NOL10: variants seen among roughly 807,000 people sequenced by gnomAD.
NOL10 encodes H_NH0074G24.1.
A neutral mutation model predicts 103.5 loss-of-function variants in NOL10; 58 were observed. That is an observed-to-expected ratio of 0.56 (90% CI 0.45 to 0.70). The LOEUF (loss-of-function observed/expected upper bound fraction) is 0.70. Ranked by LOEUF, NOL10 falls within the 30% of genes least tolerant of loss-of-function variation. The pLI is 0.00. For missense variants in NOL10, 763 were observed against 807.3 expected, an observed-to-expected ratio of 0.95 and a Z score of 0.67; for synonymous variants, 287 against 282.5, an observed-to-expected ratio of 1.02 and a Z score of -0.16.
chr2:10,587,009 T>C (rs1376836869), intron 19 of NOL10, among the ~76,000 whole-genome samples: 1 of 122,026 alleles, frequency 8.2e-6, no homozygotes, highest in African/African-American at 3.0e-5. Context: ...GGTCTAGACT[T>C]TCTAGTGAAA....
intron 7 of NOL10, among the ~76,000 whole-genome samples, chr2:10,668,433 GA>G (rs1218145403): frequency 6.6e-6 from 1 of 152,060 alleles, no homozygotes; most frequent in Non-Finnish European, 1.5e-5. Context: ...ATTTTTAACT[GA>G]CTTAAAGTTG....
intron 16 of NOL10, 67 bp downstream of exon 16, chr2:10,602,709 G>T: frequency 1.0e-6 from 1 of 967,754 alleles, no homozygotes; most frequent in Non-Finnish European, 1.6e-6. Flanking sequence ...GATTTCTTTG[G>T]AATAATACAC....
At chr2:10,603,528 G>C (rs3815521) in intron 14 of NOL10, among the ~76,000 whole-genome samples, 90,006 of 152,052 alleles carry the variant, frequency 0.59, 27,657 homozygotes, top group African/African-American at 0.74. Flanking sequence ...AGAAGGGAGA[G>C]AGGAGAAACA....
chr2:10,622,100 C>T, intron 13 of NOL10: 2 of 471,384 alleles, frequency 4.2e-6, no homozygotes, highest in South Asian at 1.5e-5. Flanking sequence ...ATCACAGAAA[C>T]GCTGGTGGCA....
chr2:10,589,879 A>C, intron 17 of NOL10, 128 bp from the exon 18 acceptor site: 1 of 531,430 alleles, frequency 1.9e-6, no homozygotes, highest in Non-Finnish European at 3.0e-6. Flanking sequence ...TTATTAACTC[A>C]TTATGAAATT....
intron 13 of NOL10, among the ~76,000 whole-genome samples, chr2:10,623,445 G>A (rs557708883): frequency 5.3e-5 from 8 of 152,164 alleles, no homozygotes; most frequent in Non-Finnish European, 1.5e-5. Context: ...ATTCCTGAAC[G>A]TCCTTCGAAA....
rs568393547 is a variant in NOL10 at position 10,614,380 on chromosome 2, T to C, written c.1027-7069A>G. ...AGGCTGGAGTGCAGTGGTATGACCA[T>C]AGCTCACTGCAGTGAGGCCCTGGTT... On this transcript the variant is annotated intron_variant, in intron 13 of 20. Coordinates refer to ENST00000381685, the MANE Select transcript of NOL10 (RefSeq NM_024894.4). Among the ~76,000 whole-genome samples, 21 of 152,278 alleles carry C rather than the reference T, an allele frequency of 1.4e-4. No individual in the cohort carries two copies. The South Asian group carries it at 4.4e-3, about 32-fold the overall frequency.
chr2:10,659,349 G>A lies in NOL10; in HGVS notation c.678-99C>T, dbSNP rs527974916. The A allele has an allele frequency of 1.9e-5, 9 of 476,660 alleles. 1 individual carries two copies. Among genetic ancestry groups the A allele is most frequent in the East Asian group, 9.9e-5 (2 of 20,200 alleles). 29.5% of individuals were successfully genotyped at this position (476,660 alleles called of 1,614,324 possible). A position where few individuals can be genotyped will look rare whatever the true frequency, so the allele number is the denominator to read the frequency against. On this transcript the variant is annotated intron_variant, in intron 9 of 20. Transcript: ENST00000381685. Reference sequence around the variant, plus strand: ...CTTCACTTCAAATCTAATGGGGGGGGGGGGGAGGAATCACATTTCTAGGCT... The same window carrying A: ...CTTCACTTCAAATCTAATGGGGGGGAGGGGGAGGAATCACATTTCTAGGCT...
chr2:10,627,936 T>C (rs997843117), intron 13 of NOL10, among the ~76,000 whole-genome samples: 7 of 152,104 alleles, frequency 4.6e-5, no homozygotes, highest in Non-Finnish European at 8.8e-5. Flanking sequence ...ATTAAAAATA[T>C]ACATCTGAAT....
Position 10,624,356 on chromosome 2 carries a change from G to T in NOL10, c.1027-17045C>A, listed in dbSNP as rs145273122. On this transcript the variant is annotated intron_variant, in intron 13 of 20. Transcript: ENST00000381685. Reference sequence around the variant, plus strand: ...CAGAGTGAGACCCTGTCTCAAAACAGAAAAGGACCTATCAGCCCCAAGTGG... The same window carrying T: ...CAGAGTGAGACCCTGTCTCAAAACATAAAAGGACCTATCAGCCCCAAGTGG... Among the ~76,000 whole-genome samples the T allele has an allele frequency of 2.1e-3, 326 of 151,932 alleles. 2 individuals carry two copies. The highest frequency in any genetic ancestry group is 7.6e-3 in the African/African-American group (315 of 41,452).
At chr2:10,620,749 G>A (rs1019848151) in intron 13 of NOL10, among the ~76,000 whole-genome samples, 3 of 152,176 alleles carry the variant, frequency 2.0e-5, no homozygotes, top group Non-Finnish European at 4.4e-5. Context: ...ATATGTGGGT[G>A]TGCATGACTG....
At chr2:10,660,220 A>G (rs968437264) in intron 9 of NOL10, among the ~76,000 whole-genome samples, 4 of 152,202 alleles carry the variant, frequency 2.6e-5, no homozygotes, top group African/African-American at 9.6e-5. Context: ...TCGAAGCCTC[A>G]TATGCACAGC....
chr2:10,662,721 T>C (rs964514959), intron 9 of NOL10, among the ~76,000 whole-genome samples: 3 of 152,230 alleles, frequency 2.0e-5, no homozygotes, highest in Admixed American at 6.5e-5. Flanking sequence ...TGTAGTGTAA[T>C]TGTTTTAATA....
At chr2:10,641,347 AC>A (rs1341253176) in intron 13 of NOL10, among the ~76,000 whole-genome samples, 3 of 122,266 alleles carry the variant, frequency 2.5e-5, no homozygotes, top group Non-Finnish European at 5.2e-5. Flanking sequence ...TCAAAAAAAA[AC>A]ATTAAAGCTT....
intron 1 of NOL10, among the ~76,000 whole-genome samples, chr2:10,686,446 A>G (rs1038843672): frequency 2.6e-5 from 4 of 152,224 alleles, no homozygotes; most frequent in Admixed American, 6.5e-5. Context: ...AAGGCACAAC[A>G]TCAAGTAGGA....
At chr2:10,685,492 C>G (rs1481123365) in intron 1 of NOL10, among the ~76,000 whole-genome samples, 6 of 8,604 alleles carry the variant, frequency 7.0e-4, no homozygotes, top group Non-Finnish European at 3.6e-3. Flanking sequence ...ACTCCGTCCC[C>G]CCCCCCCCCC....
At chr2:10,587,735 C>G (rs1675190333) in intron 19 of NOL10, among the ~76,000 whole-genome samples, 2 of 152,136 alleles carry the variant, frequency 1.3e-5, no homozygotes, top group African/African-American at 4.8e-5. Flanking sequence ...TTCACTACAT[C>G]TGGTGTTGCA....
intron 8 of NOL10, among the ~76,000 whole-genome samples, chr2:10,664,788 C>A (rs1447961106): frequency 6.6e-6 from 1 of 152,168 alleles, no homozygotes; most frequent in African/African-American, 2.4e-5. Flanking sequence ...CACCCACTCG[C>A]ACTTCCAAAG....
chr2:10,612,308 A>G (rs1290825231), intron 13 of NOL10, among the ~76,000 whole-genome samples: 1 of 152,180 alleles, frequency 6.6e-6, no homozygotes, highest in Non-Finnish European at 1.5e-5. Flanking sequence ...ACAACAACAA[A>G]GTACTATTAA....
Sources: gnomAD v4.1 joint callset for allele counts (sites outside exome capture counted in the v4.1 genomes callset) on GRCh38, gnomAD v4.1.1 for gene constraint, MANE v1.5 for transcripts, NCBI Gene and HGNC (gene_info 2026-07-23, HGNC 2026-07-21) for gene names.